The following ANKRD30B variants were observed in gnomAD, a reference collection of about 807,000 sequenced individuals.
The protein encoded by ANKRD30B is ankyrin repeat domain-containing protein 30B.
In ANKRD30B, 144 loss-of-function variants were observed where a neutral mutation model predicts 202.2. The observed-to-expected ratio is 0.71, with a 90% confidence interval of 0.62 to 0.82. ANKRD30B has a LOEUF of 0.82. Among genes scored for constraint, ANKRD30B ranks in the 40% least tolerant of loss-of-function variants. The probability of loss-of-function intolerance (pLI) is 0.00; values close to 1 mark genes in which losing one functional copy is unlikely to be tolerated. For missense variants in ANKRD30B, 1,487 were observed against 1,669.1 expected (o/e 0.89, Z 1.90); for synonymous variants, 508 against 561.3 (o/e 0.91, Z 1.34).
chr18:14,754,204 G>A (rs571602497), intron 3 of ANKRD30B, among the ~76,000 whole-genome samples: 6 of 152,222 alleles, frequency 3.9e-5, no homozygotes, highest in Admixed American at 1.3e-4. Flanking sequence ...CCTGACATTG[G>A]CATCTGGGAT....
chr18:14,836,214 C>T (rs560616690), intron 34 of ANKRD30B, among the ~76,000 whole-genome samples: 1 of 152,254 alleles, frequency 6.6e-6, no homozygotes, highest in South Asian at 2.1e-4. Flanking sequence ...TTCTTCTAAG[C>T]CCCATAGATG....
At position 14,837,225 on chromosome 18, in the gene ANKRD30B, G is replaced by A; in HGVS notation, c.2862G>A (p.Lys954=). The change falls in exon 35 of 44, where the codon AAG becomes AAA. Residue 954 remains lysine, a synonymous_variant. Transcript: ENST00000690538. ...GTTTGTAATAGGAGGGAGCAACAAA[G>A]ACAGTAACTGGACAACAGGAACGTG... ...FNLTTKEGAT[K]TVTGQQERDI... 6.5e-7 allele frequency: 1 copy of A among 1,546,956 alleles called. No homozygotes were observed. The highest frequency in any genetic ancestry group is 8.7e-7 in the Non-Finnish European group (1 of 1,144,652).
At chr18:14,761,466 G>C (rs1342587986) in intron 6 of ANKRD30B, among the ~76,000 whole-genome samples, 2 of 57,092 alleles carry the variant, frequency 3.5e-5, no homozygotes, top group Non-Finnish European at 8.9e-5. Context: ...GTGATCAAAG[G>C]GGAGTCTTAA....
intron 39 of ANKRD30B, among the ~76,000 whole-genome samples, chr18:14,844,806 G>A (rs1318937825): frequency 6.6e-6 from 1 of 151,982 alleles, no homozygotes; most frequent in African/African-American, 2.4e-5. Flanking sequence ...TCTCATTGTG[G>A]TTTTGATTTG....
chr18:14,879,755 T>C, the ANKRD30B span, among the ~76,000 whole-genome samples: 2 of 150,348 alleles, frequency 1.3e-5, no homozygotes, highest in South Asian at 4.2e-4. Flanking sequence ...GGTTAGGGGT[T>C]AGGGTCAGGG....
At chr18:14,795,980 T>G (rs1217150833) in intron 16 of ANKRD30B, among the ~76,000 whole-genome samples, 2 of 152,128 alleles carry the variant, frequency 1.3e-5, no homozygotes, top group African/African-American at 4.8e-5. Flanking sequence ...AGTTGAAATA[T>G]ATTTTGATTG....
chr18:14,862,387 A>G, the ANKRD30B span, among the ~76,000 whole-genome samples: 4 of 152,154 alleles, frequency 2.6e-5, no homozygotes, highest in African/African-American at 9.7e-5. Flanking sequence ...GTTAGATTAT[A>G]CAAGAAAAAA....
the ANKRD30B span, among the ~76,000 whole-genome samples, chr18:14,924,096 G>A: frequency 6.6e-6 from 1 of 152,220 alleles, no homozygotes; most frequent in Admixed American, 6.5e-5. Context: ...CACTGGTCAT[G>A]TCACCTCTGA....
chr18:14,922,328 G>A, the ANKRD30B span, among the ~76,000 whole-genome samples: 4 of 152,114 alleles, frequency 2.6e-5, no homozygotes, highest in Non-Finnish European at 5.9e-5. Flanking sequence ...CACACCATGG[G>A]CTAAAGTGCT....
chr18:14,850,210 G>T lies in ANKRD30B; in HGVS notation c.3396-4G>T, dbSNP rs779877963. On this transcript the variant is annotated splice_polypyrimidine_tract_variant and splice_region_variant and intron_variant, in intron 40 of 43. Transcript: ENST00000690538. ...AATTTTAAGATAAGTATGTTTAATG[G>T]CAGATTGACTTTAAATCAAGAAGAA... is the stretch of plus-strand genomic sequence containing the variant. 2 of 1,519,032 alleles carry T rather than the reference G, an allele frequency of 1.3e-6. No homozygotes were observed. Among genetic ancestry groups the T allele is most frequent in the Non-Finnish European group, 1.8e-6 (2 of 1,130,912 alleles). The allele number at this position is 1,519,032 out of a possible 1,614,324, so 94.1% of individuals were successfully genotyped here.
At chr18:14,836,902 C>T (rs1971199476) in intron 34 of ANKRD30B, among the ~76,000 whole-genome samples, 2 of 152,010 alleles carry the variant, frequency 1.3e-5, no homozygotes. Flanking sequence ...TCAGGTAAAA[C>T]TGATTTTTCT....
intron 22 of ANKRD30B, 81 bp downstream of exon 22, chr18:14,799,376 T>C: frequency 3.9e-6 from 5 of 1,282,934 alleles, no homozygotes; most frequent in Non-Finnish European, 5.2e-6. Flanking sequence ...TTATTCCCAA[T>C]GTTGTTTTCT....
intron 33 of ANKRD30B, among the ~76,000 whole-genome samples, chr18:14,828,688 C>T (rs1469366888): frequency 6.6e-6 from 1 of 152,178 alleles, no homozygotes; most frequent in Non-Finnish European, 1.5e-5. Flanking sequence ...CACAAAGTCA[C>T]ATTTTGTTAT....
chr18:14,871,184 C>T, the ANKRD30B span, among the ~76,000 whole-genome samples: 2 of 73,540 alleles, frequency 2.7e-5, no homozygotes, highest in Non-Finnish European at 6.1e-5. Flanking sequence ...CACCCTCACC[C>T]GCACACCCTC....
the ANKRD30B span, among the ~76,000 whole-genome samples, chr18:14,940,829 A>G: frequency 1.3e-5 from 2 of 152,152 alleles, no homozygotes; most frequent in African/African-American, 4.8e-5. Flanking sequence ...TTATTTTGCA[A>G]ATGAAAGTCA....
chr18:14,928,147 T>C, the ANKRD30B span, among the ~76,000 whole-genome samples: 1 of 152,110 alleles, frequency 6.6e-6, no homozygotes, highest in East Asian at 1.9e-4. Context: ...TTTGTATTTT[T>C]AGTAGAGACA....
chr18:14,776,669 T>A (rs1433060517), intron 9 of ANKRD30B, among the ~76,000 whole-genome samples: 2 of 152,262 alleles, frequency 1.3e-5, no homozygotes, highest in African/African-American at 4.8e-5. Context: ...ATATGTTAGA[T>A]GTTTCACGAA....
the ANKRD30B span, among the ~76,000 whole-genome samples, chr18:14,935,101 C>T: frequency 6.6e-6 from 1 of 152,132 alleles, no homozygotes; most frequent in African/African-American, 2.4e-5. Context: ...GCATGGTTTC[C>T]TCCTGTTTGA....
At chr18:14,871,777 C>A in the ANKRD30B span, among the ~76,000 whole-genome samples, 8 of 152,208 alleles carry the variant, frequency 5.3e-5, no homozygotes, top group East Asian at 1.5e-3. Flanking sequence ...ATATTCCCAG[C>A]TACTCGGGAA....
Sources: gnomAD v4.1 joint callset for allele counts (sites outside exome capture counted in the v4.1 genomes callset) on GRCh38, gnomAD v4.1.1 for gene constraint, MANE v1.5 for transcripts, NCBI Gene and HGNC (gene_info 2026-07-23, HGNC 2026-07-21) for gene names.